Variants in CADM2 observed in about 807,000 individuals in gnomAD.
CADM2 encodes immunoglobulin superfamily member 4D.
Under a neutral mutation model 49.8 loss-of-function variants are expected in CADM2, and 12 were observed. The ratio of observed to expected loss-of-function variants is 0.24; its 90% CI spans 0.15 to 0.39. The LOEUF is 0.39. Among genes scored for constraint, CADM2 ranks in the 10% least tolerant of loss-of-function variants. CADM2 has a pLI of 1.00. For missense variants in CADM2, 378 were observed against 492.3 expected (o/e 0.77, Z 2.20); for synonymous variants, 214 against 175.4 (o/e 1.22, Z -1.74).
At chr3:85,378,428 A>G (rs2033715679) in intron 1 of CADM2, among the ~76,000 whole-genome samples, 1 of 151,958 alleles carries the variant, frequency 6.6e-6, no homozygotes. Flanking sequence ...TGCTGCTCCT[A>G]CTGATAACTA....
intron 3 of CADM2, among the ~76,000 whole-genome samples, chr3:85,855,721 G>A (rs2075292460): frequency 6.6e-6 from 1 of 150,846 alleles, no homozygotes; most frequent in Non-Finnish European, 1.5e-5. Context: ...CCGCCTCCTG[G>A]GTTCATGCCA....
In CADM2 at chr3:85,198,274, C is replaced by G. The variant is rs532744575; in HGVS notation, c.61+238606C>G. ...AACATCTGTAATCTAGTTATCAGTT[C>G]ACATTTTCAAAATAATTATTCATAT... On this transcript the variant is annotated intron_variant, in intron 1 of 9. Coordinates refer to ENST00000383699, the MANE Select transcript of CADM2 (RefSeq NM_001167675.2). 2.6e-5 allele frequency among the ~76,000 whole-genome samples: 4 copies of G among 151,844 alleles called. No individual in the cohort carries two copies. In the South Asian group the frequency reaches 8.3e-4, roughly 32 times the overall value.
chr3:85,256,321 A>T (rs1259583231), intron 1 of CADM2, among the ~76,000 whole-genome samples: 2 of 152,084 alleles, frequency 1.3e-5, no homozygotes, highest in Non-Finnish European at 2.9e-5. Context: ...CATTTTCATC[A>T]GCCTGAAAGA....
At chr3:85,603,085 A>C (rs907565618) in intron 1 of CADM2, among the ~76,000 whole-genome samples, 2 of 151,804 alleles carry the variant, frequency 1.3e-5, no homozygotes, top group East Asian at 3.9e-4. Context: ...TTTCTCTACT[A>C]GCTGATAAAT....
At chr3:85,334,584 G>A (rs1294529980) in intron 1 of CADM2, among the ~76,000 whole-genome samples, 1 of 151,410 alleles carries the variant, frequency 6.6e-6, no homozygotes, top group South Asian at 2.1e-4. Flanking sequence ...TTGACCTTAA[G>A]CAATTATTTT....
rs531792767 is a variant in CADM2 at position 85,348,810 on chromosome 3, TAA to T, written c.62-377711_62-377710del. Among the ~76,000 whole-genome samples, 568 of 152,186 alleles carry T rather than the reference TAA, an allele frequency of 3.7e-3. 5 individuals carry two copies. In the Middle Eastern group the frequency reaches 0.044, roughly 12 times the overall value. ...TTCATGAGAAGCTCTTAACCCTACT[TAA>T]GAGAGAATATTTTAATCCAATTTTA... On this transcript the variant is annotated intron_variant, in intron 1 of 9. Transcript: ENST00000383699.
At chr3:85,400,563 T>C (rs568043086) in intron 1 of CADM2, among the ~76,000 whole-genome samples, 2 of 152,298 alleles carry the variant, frequency 1.3e-5, no homozygotes, top group East Asian at 1.9e-4. Context: ...AATTCGGCTG[T>C]GAATCCATCT....
intron 1 of CADM2, among the ~76,000 whole-genome samples, chr3:85,225,249 C>A (rs191370476): frequency 4.6e-5 from 7 of 152,074 alleles, no homozygotes; most frequent in East Asian, 1.9e-4. Flanking sequence ...AATGTTCTTC[C>A]GTTTGTATGT....
At chr3:85,085,894 T>G (rs2037350619) in intron 1 of CADM2, among the ~76,000 whole-genome samples, 1 of 152,110 alleles carries the variant, frequency 6.6e-6, no homozygotes, top group Non-Finnish European at 1.5e-5. Context: ...TGGGAGTATT[T>G]AAAGAACAAT....
intron 1 of CADM2, among the ~76,000 whole-genome samples, chr3:85,619,354 G>GA (rs201351464): frequency 0.021 from 3,039 of 142,320 alleles, 48 homozygotes; most frequent in Middle Eastern, 0.04. Flanking sequence ...CTTTCAAAAA[G>GA]AAAAAAAAAG....
intron 1 of CADM2, among the ~76,000 whole-genome samples, chr3:85,261,032 T>C (rs181538949): frequency 2.3e-3 from 354 of 152,280 alleles, no homozygotes; most frequent in African/African-American, 8.0e-3. Flanking sequence ...ATGTGTCTTA[T>C]TTTTTTGCTT....
intron 1 of CADM2, among the ~76,000 whole-genome samples, chr3:85,157,190 G>A (rs970113830): frequency 3.3e-5 from 5 of 152,072 alleles, no homozygotes; most frequent in Admixed American, 3.3e-4. Flanking sequence ...AAATAAAAGA[G>A]GATACAAACA....
chr3:85,344,191 C>G (rs1165024090), intron 1 of CADM2, among the ~76,000 whole-genome samples: 1 of 150,896 alleles, frequency 6.6e-6, no homozygotes, highest in South Asian at 2.1e-4. Context: ...TTGGCTAACA[C>G]GGTGAAACCC....
At chr3:85,619,233 G>A (rs2063896947) in intron 1 of CADM2, among the ~76,000 whole-genome samples, 2 of 151,724 alleles carry the variant, frequency 1.3e-5, no homozygotes, top group South Asian at 4.2e-4. Flanking sequence ...TTCAGGCAGC[G>A]TGTTTCTTTA....
intron 1 of CADM2, among the ~76,000 whole-genome samples, chr3:85,083,729 T>A (rs537562333): frequency 2.6e-5 from 4 of 152,148 alleles, no homozygotes; most frequent in Non-Finnish European, 4.4e-5. Flanking sequence ...CCTTGATCAT[T>A]TTTTTGTCTT....
At chr3:85,498,798 T>C (rs1175609907) in intron 1 of CADM2, among the ~76,000 whole-genome samples, 2 of 152,286 alleles carry the variant, frequency 1.3e-5, no homozygotes, top group East Asian at 3.9e-4. Context: ...GAGCAATGGC[T>C]TTGTATTTAC....
chr3:85,809,729 C>T (rs1330684365), intron 3 of CADM2, among the ~76,000 whole-genome samples: 169 of 119,056 alleles, frequency 1.4e-3, no homozygotes, highest in African/African-American at 5.0e-3. Context: ...CGTTCCTTCC[C>T]TCCCTCCCTC....
intron 6 of CADM2, among the ~76,000 whole-genome samples, chr3:85,930,124 T>G (rs975020386): frequency 6.6e-6 from 1 of 152,076 alleles, no homozygotes; most frequent in Non-Finnish European, 1.5e-5. Context: ...TAAATAAATG[T>G]CTTCACAATT....
At chr3:85,056,870 T>C (rs563785113) in intron 1 of CADM2, among the ~76,000 whole-genome samples, 1 of 152,206 alleles carries the variant, frequency 6.6e-6, no homozygotes, top group East Asian at 1.9e-4. Context: ...AGTGTATAGA[T>C]CTCTGGTTTT....
Sources: gnomAD v4.1 joint callset for allele counts (sites outside exome capture counted in the v4.1 genomes callset) on GRCh38, gnomAD v4.1.1 for gene constraint, MANE v1.5 for transcripts, NCBI Gene and HGNC (gene_info 2026-07-23, HGNC 2026-07-21) for gene names.